GABRA1: variants seen among roughly 807,000 people sequenced by gnomAD.
GABRA1 encodes the protein gamma-aminobutyric acid type A receptor subunit alpha1.
Under a neutral mutation model 48.9 loss-of-function variants are expected in GABRA1, and 9 were observed. That is an observed-to-expected ratio of 0.18 (90% CI 0.11 to 0.32). The LOEUF is 0.32. GABRA1 is among the 10% of genes least tolerant of loss of function. The pLI is 1.00. For missense variants in GABRA1, 285 were observed against 553.8 expected, an observed-to-expected ratio of 0.51 and a Z score of 4.87; for synonymous variants, 210 against 198.7, an observed-to-expected ratio of 1.06 and a Z score of -0.48.
intron 3 of GABRA1, among the ~76,000 whole-genome samples, chr5:161,857,248 C>T (rs1263597403): frequency 6.6e-6 from 1 of 151,220 alleles, no homozygotes; most frequent in African/African-American, 2.4e-5. Flanking sequence ...AAAGTAACAA[C>T]ATTATGCAAA....
intron 8 of GABRA1, among the ~76,000 whole-genome samples, chr5:161,895,030 A>G (rs1168169377): frequency 1.5e-5 from 2 of 130,490 alleles, no homozygotes; most frequent in African/African-American, 5.8e-5. Flanking sequence ...ATATATGTGT[A>G]TATATATATA....
intron 7 of GABRA1, among the ~76,000 whole-genome samples, chr5:161,888,234 A>G (rs1281602147): frequency 2.6e-5 from 4 of 152,074 alleles, no homozygotes; most frequent in African/African-American, 7.2e-5. Flanking sequence ...ATTTCAATCC[A>G]ATTTAGGTGA....
Position 161,897,497 on chromosome 5 carries a change from T to C in GABRA1, c.*75T>C. The C allele has an allele frequency of 7.8e-7, 1 of 1,288,908 alleles. No individual in the cohort carries two copies. The highest frequency in any genetic ancestry group is 1.7e-5 in the Admixed American group (1 of 59,036). The allele number at this position is 1,288,908 out of a possible 1,614,324, so 79.8% of individuals were successfully genotyped here. ...TATGTTCTCAACGCAGTAATTCCCA[T>C]CTGCTTTATTGCCTCTGTCTTAAAG... On this transcript the variant is annotated 3_prime_UTR_variant, in exon 10 of 10. Transcript: ENST00000393943.
intron 4 of GABRA1, among the ~76,000 whole-genome samples, chr5:161,868,999 A>T (rs1025841241): frequency 6.6e-6 from 1 of 152,182 alleles, no homozygotes; most frequent in African/African-American, 2.4e-5. Flanking sequence ...AAATGATCAG[A>T]TTAGCCATAG....
intron 2 of GABRA1, among the ~76,000 whole-genome samples, chr5:161,851,149 G>T (rs551411751): frequency 6.6e-6 from 1 of 152,262 alleles, no homozygotes; most frequent in East Asian, 1.9e-4. Flanking sequence ...TCACTGTTCA[G>T]TTGGAACTGA....
chr5:161,869,682 A>G (rs1200711561), intron 4 of GABRA1, among the ~76,000 whole-genome samples: 1 of 152,180 alleles, frequency 6.6e-6, no homozygotes, highest in Admixed American at 6.6e-5. Context: ...ATTTAGGAAC[A>G]TAGCGGATGT....
intron 3 of GABRA1, among the ~76,000 whole-genome samples, chr5:161,862,339 C>A (rs181031362): frequency 2.6e-4 from 40 of 151,984 alleles, no homozygotes; most frequent in Non-Finnish European, 8.8e-5. Context: ...CTTTCTGTTT[C>A]TTAAACATAA....
intron 3 of GABRA1, among the ~76,000 whole-genome samples, chr5:161,859,294 C>A (rs533819654): frequency 6.6e-6 from 1 of 151,626 alleles, no homozygotes; most frequent in African/African-American, 2.4e-5. Context: ...TTATTTATGC[C>A]AATATAAAAC....
intron 3 of GABRA1, among the ~76,000 whole-genome samples, chr5:161,865,483 T>C (rs2113353215): frequency 6.6e-6 from 1 of 152,246 alleles, no homozygotes; most frequent in South Asian, 2.1e-4. Flanking sequence ...AGGCAGCAGC[T>C]GAGTTTTCCA....
Position 161,898,746 on chromosome 5 carries a change from T to C in GABRA1, c.*1324T>C, listed in dbSNP as rs866632459. Reference sequence around the variant, plus strand: ...AATATAGAAAGAAAATGGGAAGCATTAGTTGGAGCTAGAAAATGAACTGTA... The same window carrying C: ...AATATAGAAAGAAAATGGGAAGCATCAGTTGGAGCTAGAAAATGAACTGTA... On this transcript the variant is annotated 3_prime_UTR_variant, in exon 10 of 10. Coordinates refer to ENST00000393943, the MANE Select transcript of GABRA1 (RefSeq NM_001127644.2). The C allele has an allele frequency of 1.2e-4, 18 of 152,664 alleles. No individual in the cohort carries two copies. The highest frequency in any genetic ancestry group is 3.4e-3 in the Middle Eastern group (1 of 294). 9.5% of individuals were successfully genotyped at this position (152,664 alleles called of 1,614,324 possible).
intron 2 of GABRA1, among the ~76,000 whole-genome samples, chr5:161,851,369 T>C (rs1239701918): frequency 1.3e-5 from 2 of 152,132 alleles, no homozygotes; most frequent in Admixed American, 1.3e-4. Context: ...CGTTTTGAAA[T>C]TGTTATCTAT....
intron 6 of GABRA1, among the ~76,000 whole-genome samples, chr5:161,876,694 C>T (rs1343823868): frequency 6.6e-6 from 1 of 152,084 alleles, no homozygotes; most frequent in Non-Finnish European, 1.5e-5. Context: ...GGTGATAACT[C>T]CCTTCTCCCT....
rs917740881 is a variant in GABRA1, at chr5:161,898,862, A to C, written c.*1440A>C. ...ATAAAATACATAAAAGAATGTACAGAAAATAGCTTTTATTGAGTAATATTA... is the reference window on the plus strand; with the variant it reads ...ATAAAATACATAAAAGAATGTACAGCAAATAGCTTTTATTGAGTAATATTA... On this transcript the variant is annotated 3_prime_UTR_variant, in exon 10 of 10. Transcript: ENST00000393943. The C allele has an allele frequency of 1.3e-5, 2 of 152,600 alleles. No individual in the cohort carries two copies. Among genetic ancestry groups the C allele is most frequent in the Non-Finnish European group, 2.9e-5 (2 of 67,992 alleles). 9.5% of individuals were successfully genotyped at this position (152,600 alleles called of 1,614,324 possible). A position where few individuals can be genotyped will look rare whatever the true frequency, so the allele number is the denominator to read the frequency against.
upstream of GABRA1, chr5:161,847,302 G>C (rs1757252696): frequency 2.0e-5 from 3 of 152,134 alleles, no homozygotes; most frequent in Admixed American, 2.0e-4. Context: ...GATGGAGCTC[G>C]AGGCAAAGGA....
intron 4 of GABRA1, 111 bp downstream of exon 4, chr5:161,865,899 C>G: frequency 1.2e-6 from 1 of 823,742 alleles, no homozygotes; most frequent in Non-Finnish European, 2.1e-6. Context: ...CTTGGCTATA[C>G]TTTTGTGTCT....
chr5:161,852,612 G>T (rs1211636093), intron 2 of GABRA1, among the ~76,000 whole-genome samples: 4 of 151,816 alleles, frequency 2.6e-5, no homozygotes, highest in Non-Finnish European at 4.4e-5. Flanking sequence ...GAGACATACT[G>T]GAAGACACTT....
At chr5:161,878,960 T>G (rs1181803511) in intron 6 of GABRA1, among the ~76,000 whole-genome samples, 1 of 152,210 alleles carries the variant, frequency 6.6e-6, no homozygotes, top group Non-Finnish European at 1.5e-5. Context: ...TTCATGTGGC[T>G]CATACAAATG....
At chr5:161,892,832 G>A (rs1755160176) in intron 8 of GABRA1, among the ~76,000 whole-genome samples, 1 of 151,652 alleles carries the variant, frequency 6.6e-6, no homozygotes, top group South Asian at 2.1e-4. Flanking sequence ...GTGAAACCCC[G>A]TCTCTACTAA....
chr5:161,888,490 T>C (rs1255358079), intron 7 of GABRA1, among the ~76,000 whole-genome samples: 1 of 152,132 alleles, frequency 6.6e-6, no homozygotes, highest in Non-Finnish European at 1.5e-5. Flanking sequence ...AAAAATTATA[T>C]TCTTTTCAGG....
Sources: gnomAD v4.1 joint callset for allele counts (sites outside exome capture counted in the v4.1 genomes callset) on GRCh38, gnomAD v4.1.1 for gene constraint, MANE v1.5 for transcripts, NCBI Gene and HGNC (gene_info 2026-07-23, HGNC 2026-07-21) for gene names.